The following RIMS1 variants were observed in gnomAD, a reference collection of about 807,000 sequenced individuals.
RIMS1 encodes the protein regulating synaptic membrane exocytosis 1.
In RIMS1, 83 loss-of-function variants were observed where a neutral mutation model predicts 214.1. That is an observed-to-expected ratio of 0.39 (90% CI 0.32 to 0.47). RIMS1 has a LOEUF of 0.47. Among genes scored for constraint, RIMS1 ranks in the 20% least tolerant of loss-of-function variants. RIMS1 has a pLI of 0.99. For missense variants in RIMS1, 2,050 were observed against 2,161.8 expected (o/e 0.95, Z 1.03); for synonymous variants, 793 against 786.8 (o/e 1.01, Z -0.13).
intron 1 of RIMS1, among the ~76,000 whole-genome samples, chr6:71,907,369 A>G (rs1225952428): frequency 6.6e-6 from 1 of 152,186 alleles, no homozygotes; most frequent in Admixed American, 6.6e-5. Flanking sequence ...TCACTGTATA[A>G]GAATACCTTA....
At position 72,290,849 on chromosome 6, in the gene RIMS1, C is replaced by T. The variant is rs201454406; in HGVS notation, c.3725C>T (p.Pro1242Leu). Residue 1242 changes from proline (P) to leucine (L), a missense_variant, in exon 25 of 34, where the codon CCG (proline) becomes CTG (leucine). Coordinates refer to ENST00000521978, the MANE Select transcript of RIMS1 (RefSeq NM_014989.7). ...LVPGGSAPPS[P>L]LLTRMHRQRS... ...CCTGGAGGGTCGGCGCCACCTTCTC[C>T]GCTTCTGACAAGGTCGCTATTCAGT... 113 of 1,612,256 alleles carry T rather than the reference C, an allele frequency of 7.0e-5. No individual in the cohort carries two copies. The African/African-American group carries it at 1.1e-3, about 16-fold the overall frequency.
intron 1 of RIMS1, among the ~76,000 whole-genome samples, chr6:71,900,783 T>C (rs1481751522): frequency 6.6e-6 from 1 of 152,002 alleles, no homozygotes. Flanking sequence ...ATTAAGCAGG[T>C]TAAAGGTCAG....
intron 2 of RIMS1, among the ~76,000 whole-genome samples, chr6:72,059,533 A>G (rs1827283385): frequency 6.6e-6 from 1 of 152,132 alleles, no homozygotes; most frequent in African/African-American, 2.4e-5. Flanking sequence ...CTGGCCCTCT[A>G]CCAGGTATTT....
intron 22 of RIMS1, among the ~76,000 whole-genome samples, chr6:72,267,777 T>C (rs2081284133): frequency 6.6e-6 from 1 of 152,148 alleles, no homozygotes; most frequent in South Asian, 2.1e-4. Flanking sequence ...GCAAATTTAA[T>C]CTGTCAGATA....
rs1204507940 is a variant in RIMS1 at position 72,240,621 on chromosome 6, TTC to T, written c.1958-1691_1958-1690del. On this transcript the variant is annotated intron_variant, in intron 9 of 33. Coordinates refer to ENST00000521978, the MANE Select transcript of RIMS1 (RefSeq NM_014989.7). ...TATTATAAATTTGTAATTATTATAT[TTC>T]TTTTTTCTTTTTTTTTTTTTTTTTT... is the stretch of plus-strand genomic sequence containing the variant. Among the ~76,000 whole-genome samples the T allele has an allele frequency of 4.5e-5, 6 of 133,938 alleles. No individual in the cohort carries two copies. In the East Asian group the frequency reaches 7.2e-4, roughly 16 times the overall value. 87.9% of individuals were successfully genotyped at this position (133,938 alleles called of 152,430 possible).
chr6:72,099,760 C>CA (rs1197128943), intron 3 of RIMS1, among the ~76,000 whole-genome samples: 7 of 152,134 alleles, frequency 4.6e-5, no homozygotes, highest in South Asian at 2.1e-4. Context: ...TAACATATAG[C>CA]AGGACCCATA....
intron 2 of RIMS1, among the ~76,000 whole-genome samples, chr6:72,022,745 ACTCT>A (rs571677052): frequency 5.7e-4 from 87 of 152,150 alleles, no homozygotes; most frequent in East Asian, 4.6e-3. Flanking sequence ...TGAAACAAAG[ACTCT>A]CTCTATCTGA....
At chr6:72,136,900 T>C (rs1587865659) in intron 4 of RIMS1, among the ~76,000 whole-genome samples, 1 of 152,090 alleles carries the variant, frequency 6.6e-6, no homozygotes. Context: ...ACAACACTTA[T>C]TATTTTTACA....
intron 29 of RIMS1, among the ~76,000 whole-genome samples, chr6:72,344,904 T>G (rs1285477545): frequency 1.3e-5 from 2 of 151,806 alleles, no homozygotes; most frequent in African/African-American, 2.4e-5. Context: ...CAGAAAAAAT[T>G]ATTGATTTCA....
intron 2 of RIMS1, among the ~76,000 whole-genome samples, chr6:71,983,843 A>T (rs774898157): frequency 1.3e-5 from 2 of 152,198 alleles, no homozygotes; most frequent in African/African-American, 4.8e-5. Flanking sequence ...TATTTAAAAG[A>T]TGTTCTTTCT....
At chr6:71,983,484 T>C (rs1039681786) in intron 2 of RIMS1, among the ~76,000 whole-genome samples, 4 of 152,202 alleles carry the variant, frequency 2.6e-5, no homozygotes, top group Non-Finnish European at 5.9e-5. Flanking sequence ...TTTTTTTTCT[T>C]TTCTTTCAAC....
chr6:72,009,349 G>C lies in RIMS1; in HGVS notation c.245+40286G>C, dbSNP rs868823889. On this transcript the variant is annotated intron_variant, in intron 2 of 33. Coordinates refer to ENST00000521978, the MANE Select transcript of RIMS1 (RefSeq NM_014989.7). ...AGTGTGTAGAGGGAAATTTATAGCAGTAAATGCCCACAAGAGAAAGCAGGA... is the reference window on the plus strand; with the variant it reads ...AGTGTGTAGAGGGAAATTTATAGCACTAAATGCCCACAAGAGAAAGCAGGA... 2.6e-4 allele frequency among the ~76,000 whole-genome samples: 40 copies of C among 152,140 alleles called. 1 individual carries two copies. Among genetic ancestry groups the C allele is most frequent in the South Asian group, 6.2e-4 (3 of 4,822 alleles).
At chr6:72,187,651 A>C (rs2153976849) in intron 6 of RIMS1, among the ~76,000 whole-genome samples, 1 of 151,520 alleles carries the variant, frequency 6.6e-6, no homozygotes, top group African/African-American at 2.4e-5. Flanking sequence ...GTACCACCAT[A>C]CCCAGCTAAT....
intron 1 of RIMS1, among the ~76,000 whole-genome samples, chr6:71,893,948 T>C (rs1770793711): frequency 6.6e-6 from 1 of 152,246 alleles, no homozygotes; most frequent in Admixed American, 6.5e-5. Flanking sequence ...TCTCTCAATT[T>C]TGAGTTTCAA....
At chr6:72,122,061 T>C (rs1289969936) in intron 4 of RIMS1, among the ~76,000 whole-genome samples, 1 of 151,858 alleles carries the variant, frequency 6.6e-6, no homozygotes, top group Non-Finnish European at 1.5e-5. Flanking sequence ...TTGCCAGTAT[T>C]TTATTGAGGA....
intron 31 of RIMS1, among the ~76,000 whole-genome samples, chr6:72,393,830 C>T (rs932179459): frequency 3.9e-5 from 6 of 152,070 alleles, no homozygotes; most frequent in East Asian, 1.9e-4. Flanking sequence ...CTTCAGAATT[C>T]GGAGGAACAA....
At chr6:72,272,145 G>A (rs1280373195) in intron 22 of RIMS1, among the ~76,000 whole-genome samples, 1 of 152,070 alleles carries the variant, frequency 6.6e-6, no homozygotes, top group Non-Finnish European at 1.5e-5. Context: ...CTCCAACGTA[G>A]CCTGCCATAT....
intron 1 of RIMS1, among the ~76,000 whole-genome samples, chr6:71,929,900 C>A (rs9360514): frequency 0.32 from 47,705 of 150,784 alleles, 8,211 homozygotes; most frequent in East Asian, 0.46. Flanking sequence ...AAAAAAAAAA[C>A]CAGAATATTT....
intron 6 of RIMS1, among the ~76,000 whole-genome samples, chr6:72,196,415 C>G (rs1172666942): frequency 1.3e-5 from 2 of 150,766 alleles, no homozygotes; most frequent in Admixed American, 1.3e-4. Flanking sequence ...ATCTATCTAT[C>G]TATCTAACTG....
Sources: allele counts gnomAD v4.1 joint callset (sites outside exome capture counted in the v4.1 genomes callset), GRCh38; gene constraint gnomAD v4.1.1; transcripts MANE v1.5; gene names NCBI Gene and HGNC (gene_info 2026-07-23, HGNC 2026-07-21).